The following EPX variants were observed in gnomAD, a reference collection of about 807,000 sequenced individuals.
EPX encodes eosinophil peroxidase.
Under a neutral mutation model 73.0 loss-of-function variants are expected in EPX, and 60 were observed. The observed-to-expected ratio is 0.82, with a 90% CI of 0.67 to 1.02. The LOEUF (loss-of-function observed/expected upper bound fraction) is 1.02. EPX is among the 50% of genes least tolerant of loss of function. The pLI is 0.00. For synonymous variants in EPX, 347 were observed against 389.2 expected, an observed-to-expected ratio of 0.89 and a Z score of 1.28; for missense variants, 950 against 973.9, an observed-to-expected ratio of 0.98 and a Z score of 0.33.
At chr17:58,203,658 C>T (rs897223873) in intron 11 of EPX, among the ~76,000 whole-genome samples, 3 of 152,006 alleles carry the variant, frequency 2.0e-5, no homozygotes, top group Admixed American at 6.5e-5. Context: ...GACGGCCGGG[C>T]GCGGTGGCTC....
rs1567791625 is a variant in EPX, at chr17:58,204,354, C to A, written c.2079C>A (p.Ile693=). 6.2e-7 allele frequency: 1 copy of A among 1,614,114 alleles called. No individual in the cohort carries two copies. Among genetic ancestry groups the A allele is most frequent in the South Asian group, 1.1e-5 (1 of 91,076 alleles). Residue 693 remains isoleucine, a synonymous_variant, in exon 12 of 13, where the codon ATC becomes ATA. Transcript: ENST00000225371. ...TVSRDIFRAN[I]YPRGFVNCSR... ...CAAGGGACATCTTCAGAGCCAACAT[C>A]TACCCTCGGGGCTTTGTGAACTGCA...
rs200464659 is a variant in EPX, at chr17:58,202,898, C to T, written c.1709-183C>T. 47 of 648,096 alleles carry T rather than the reference C, an allele frequency of 7.3e-5. No individual in the cohort carries two copies. The East Asian group carries it at 1.3e-3, about 17-fold the overall frequency. 40.1% of individuals were successfully genotyped at this position (648,096 alleles called of 1,614,324 possible). ...CACACTGAGCACAGTTGTCCACTCA[C>T]ATTTTCAATCAGAGGACAGAAACCT... On this transcript the variant is annotated intron_variant, in intron 10 of 12. Coordinates refer to ENST00000225371, the MANE Select transcript of EPX (RefSeq NM_000502.6).
In EPX at chr17:58,204,953, G is replaced by A. The variant is rs567457123; in HGVS notation, c.*229G>A. The A allele has an allele frequency of 6.0e-6, 1 of 166,754 alleles. No individual in the cohort carries two copies. Among genetic ancestry groups the A allele is most frequent in the South Asian group, 1.5e-4 (1 of 6,530 alleles). The allele number at this position is 166,754 out of a possible 1,614,324, so 10.3% of individuals were successfully genotyped here. A position where few individuals can be genotyped will look rare whatever the true frequency, so the allele number is the denominator to read the frequency against. ...GTATTAGGCTATGAATCAGCGCCAC[G>A]TGCAAAGGCTTGGGAGCCAAGCCAT... is the stretch of plus-strand genomic sequence containing the variant. On this transcript the variant is annotated 3_prime_UTR_variant, in exon 13 of 13. Coordinates refer to ENST00000225371, the MANE Select transcript of EPX (RefSeq NM_000502.6).
intron 3 of EPX, 21 bp from the exon 4 acceptor site, chr17:58,193,692 CT>C: frequency 6.3e-7 from 1 of 1,583,082 alleles, no homozygotes; most frequent in Non-Finnish European, 8.7e-7. Context: ...CAGCTCAGGT[CT>C]GCCCATTTGC....
rs751075995 is a variant in EPX at position 58,203,064 on chromosome 17, TC to T, written c.1709-13del. On this transcript the variant is annotated splice_polypyrimidine_tract_variant and intron_variant, in intron 10 of 12. Coordinates refer to ENST00000225371, the MANE Select transcript of EPX (RefSeq NM_000502.6). ...AGATCAGCAAGACTGAAGCTGCTTC[TC>T]CCCGTTCCCCTGCAGGGTACAATGC... 5.7e-6 allele frequency: 9 copies of T among 1,587,696 alleles called. No individual in the cohort carries two copies. The highest frequency in any genetic ancestry group is 6.1e-6 in the Non-Finnish European group (7 of 1,156,752).
At chr17:58,200,536 C>T (rs1314563757) in intron 10 of EPX, 141 bp downstream of exon 10, 4 of 873,416 alleles carry the variant, frequency 4.6e-6, no homozygotes, top group East Asian at 2.6e-5. Context: ...AGGCCAAGGT[C>T]GATGTCCCAA....
At chr17:58,203,030 G>C (rs1347806118) in intron 10 of EPX, 51 bp from the exon 11 acceptor site, 1 of 1,367,440 alleles carries the variant, frequency 7.3e-7, no homozygotes, top group Admixed American at 1.7e-5. Flanking sequence ...AAAAACAGAA[G>C]CTAATGGGAG....
Position 58,204,407 on chromosome 17 carries a change from C to G in EPX, c.2132C>G (p.Ala711Gly), listed in dbSNP as rs377764021. ...CGTATCCCCAGGTTGAACCTATCAG[C>G]CTGGCGAGGGACATGAGGCTTCTGC... ...CSRIPRLNLS[A>G]WRGT Residue 711 changes from alanine to glycine, a missense_variant, in exon 12 of 13, where the codon GCC (alanine) becomes GGC (glycine). Transcript: ENST00000225371. The G allele has an allele frequency of 8.1e-6, 13 of 1,613,800 alleles. No individual in the cohort carries two copies. The highest frequency in any genetic ancestry group is 4.5e-5 in the East Asian group (2 of 44,894).
chr17:58,199,371 C>G (rs1434371175), intron 8 of EPX, among the ~76,000 whole-genome samples, 168 bp from the exon 9 acceptor site: 1 of 152,248 alleles, frequency 6.6e-6, no homozygotes, highest in African/African-American at 2.4e-5. Flanking sequence ...GTGACCCTGT[C>G]TGTGTCACTC....
rs199870912 is a variant in EPX, at chr17:58,197,156, G to T, written c.1019G>T (p.Arg340Leu). The change falls in exon 7 of 13, where the codon CGC becomes CTC. Residue 340 changes from arginine to leucine, a missense_variant. Coordinates refer to ENST00000225371, the MANE Select transcript of EPX (RefSeq NM_000502.6). ...NYLGLLAINQ[R>L]FQDNGRALLP... ...CTGGGGCTGCTGGCCATCAACCAGCGCTTTCAAGACAACGGCCGGGCCCTG... is the reference window on the plus strand; with the variant it reads ...CTGGGGCTGCTGGCCATCAACCAGCTCTTTCAAGACAACGGCCGGGCCCTG... The T allele has an allele frequency of 3.7e-6, 6 of 1,614,044 alleles. No individual in the cohort carries two copies. In the African/African-American group the frequency reaches 4.0e-5, roughly 11 times the overall value.
At position 58,192,793 on chromosome 17, in the gene EPX, C is replaced by G; in HGVS notation, c.-54C>G. ...GTGAGAGGGGAGCAGAGGATCCTCCCGTGCAGGCTGTGGATGTCACTCACT... is the reference window on the plus strand; with the variant it reads ...GTGAGAGGGGAGCAGAGGATCCTCCGGTGCAGGCTGTGGATGTCACTCACT... On this transcript the variant is annotated 5_prime_UTR_variant, in exon 1 of 13. Transcript: ENST00000225371. 6.8e-7 allele frequency: 1 copy of G among 1,474,972 alleles called. No individual in the cohort carries two copies. Among genetic ancestry groups the G allele is most frequent in the Non-Finnish European group, 9.4e-7 (1 of 1,062,572 alleles). The allele number at this position is 1,474,972 out of a possible 1,614,324, so 91.4% of individuals were successfully genotyped here.
intron 7 of EPX, 36 bp from the exon 8 acceptor site, chr17:58,198,984 TAGAAAGACATTTCTCTGGGA>T: frequency 1.9e-6 from 3 of 1,593,684 alleles, no homozygotes; most frequent in Non-Finnish European, 2.6e-6. Flanking sequence ...TCTACCCTGG[TAGAAAGACATTTCTCTGGGA>T]AAGGCTGCAG....
Position 58,199,127 on chromosome 17 carries a change from G to A in EPX, c.1208G>A (p.Arg403Lys), listed in dbSNP as rs1236609496. 2 of 1,613,992 alleles carry A rather than the reference G, an allele frequency of 1.2e-6. No individual in the cohort carries two copies. The highest frequency in any genetic ancestry group is 2.7e-5 in the African/African-American group (2 of 74,946). ...CACAACCGGCTGGCCACCGAGCTGA[G>A]ACGCCTGAATCCCCGGTGGAATGGA... is the stretch of plus-strand genomic sequence containing the variant. ...REHNRLATEL[R>K]RLNPRWNGDK... Residue 403 changes from arginine to lysine, a missense_variant, in exon 8 of 13, where the codon AGA becomes AAA. Coordinates refer to ENST00000225371, the MANE Select transcript of EPX (RefSeq NM_000502.6).
At chr17:58,197,379 T>A in intron 7 of EPX, 122 bp downstream of exon 7, 1 of 1,142,902 alleles carries the variant, frequency 8.7e-7, no homozygotes, top group South Asian at 1.3e-5. Flanking sequence ...AGGCACACCA[T>A]AAGCATGGAT....
At position 58,197,199 on chromosome 17, in the gene EPX, G is replaced by A. The variant is rs1567789120; in HGVS notation, c.1062G>A (p.Leu354=). 4.3e-6 allele frequency: 7 copies of A among 1,613,672 alleles called. No homozygotes were observed. Among genetic ancestry groups the A allele is most frequent in the Non-Finnish European group, 5.9e-6 (7 of 1,180,034 alleles). The part of the protein sequence containing the change: ...NGRALLPFDN[L]HDDPCLLTNR... ...GGGCCCTGCTGCCCTTCGACAACCT[G>A]CACGATGACCCCTGTCTCCTCACCA... Residue 354 remains leucine, a synonymous_variant, in exon 7 of 13, where the codon CTG becomes CTA. Transcript: ENST00000225371.
Position 58,193,782 on chromosome 17 carries a change from G to C in EPX, c.415G>C (p.Glu139Gln), listed in dbSNP as rs369339605. Residue 139 changes from glutamate to glutamine, a missense_variant, in exon 4 of 13, where the codon GAG (glutamate) becomes CAG (glutamine). Physicochemically the swap from Glu to Gln is conservative, Grantham distance 29 (BLOSUM62 2). Transcript: ENST00000225371. ...ASGCALRDQA[E>Q]RCSDKYRTIT... ...TGGCTGTGCTCTCCGGGACCAGGCC[G>C]AGCGCTGCAGCGACAAGTACCGCAC... The C allele has an allele frequency of 6.2e-7, 1 of 1,613,096 alleles. No homozygotes were observed. The highest frequency in any genetic ancestry group is 8.5e-7 in the Non-Finnish European group (1 of 1,179,914).
rs1296019873 is a variant in EPX at position 58,199,707 on chromosome 17, T to C, written c.1450T>C (p.Leu484=). ...HTMLQPFMFR[L]DSQYRASAPN... ...AATGCTCCAGCCCTTCATGTTCCGC[T>C]TGGACAGTCAGTACCGGGCCTCCGC... Residue 484 remains leucine (L), a synonymous_variant, in exon 9 of 13, where the codon TTG becomes CTG. Coordinates refer to ENST00000225371, the MANE Select transcript of EPX (RefSeq NM_000502.6). 1.9e-6 allele frequency: 3 copies of C among 1,614,260 alleles called. No individual in the cohort carries two copies. In the East Asian group the frequency reaches 6.7e-5, roughly 36 times the overall value.
rs1968394022 is a variant in EPX at position 58,204,216 on chromosome 17, T to C, written c.1947-6T>C. 1 of 1,611,804 alleles carries C rather than the reference T, an allele frequency of 6.2e-7. No individual in the cohort carries two copies. The highest frequency in any genetic ancestry group is 8.5e-7 in the Non-Finnish European group (1 of 1,177,950). ...CCTTCACCCACATCTCTCGACTGCC[T>C]GGTAGGTTCTGGTGGCAGAAACGAG... is the stretch of plus-strand genomic sequence containing the variant. On this transcript the variant is annotated splice_polypyrimidine_tract_variant and splice_region_variant and intron_variant, in intron 11 of 12. Coordinates refer to ENST00000225371, the MANE Select transcript of EPX (RefSeq NM_000502.6).
chr17:58,198,870 G>C (rs1968298090), intron 7 of EPX, among the ~76,000 whole-genome samples, 170 bp from the exon 8 acceptor site: 1 of 152,232 alleles, frequency 6.6e-6, no homozygotes, highest in African/African-American at 2.4e-5. Context: ...TGTGGTGTTA[G>C]GGAGGAGGGT....
Sources: allele counts gnomAD v4.1 joint callset (sites outside exome capture counted in the v4.1 genomes callset), GRCh38; gene constraint gnomAD v4.1.1; transcripts MANE v1.5; gene names NCBI Gene and HGNC (gene_info 2026-07-23, HGNC 2026-07-21).